The following FBXW11 variants were observed in gnomAD, a reference collection of about 807,000 sequenced individuals.
FBXW11 encodes the protein F-box/WD repeat-containing protein 11.
Under a neutral mutation model 77.6 loss-of-function variants are expected in FBXW11, and 19 were observed. That is an observed-to-expected ratio of 0.24 (90% CI 0.17 to 0.36). The LOEUF is 0.36. FBXW11 is among the 10% of genes least tolerant of loss of function. The pLI is 1.00. For missense variants in FBXW11, 334 were observed against 704.2 expected (o/e 0.47, Z 5.95); for synonymous variants, 235 against 249.4 (o/e 0.94, Z 0.54).
chr5:171,868,018 C>T (rs2113743308), intron 13 of FBXW11: 1 of 152,252 alleles, frequency 6.6e-6, no homozygotes, highest in East Asian at 1.9e-4. Flanking sequence ...ATTCTGTCAT[C>T]AATGGTTATA....
chr5:171,870,062 C>T (rs904950622), intron 11 of FBXW11, among the ~76,000 whole-genome samples: 6 of 152,168 alleles, frequency 3.9e-5, no homozygotes, highest in Non-Finnish European at 4.4e-5. Context: ...TTCAGGTTAT[C>T]TAAATTCAGT....
At chr5:171,966,739 G>A (rs1291617974) in intron 1 of FBXW11, among the ~76,000 whole-genome samples, 1 of 152,214 alleles carries the variant, frequency 6.6e-6, no homozygotes, top group Non-Finnish European at 1.5e-5. Context: ...AACTAGGAAA[G>A]TTGTTCAGGA....
chr5:171,928,175 T>C (rs937388329), intron 2 of FBXW11, among the ~76,000 whole-genome samples: 3 of 152,196 alleles, frequency 2.0e-5, no homozygotes, highest in Non-Finnish European at 2.9e-5. Context: ...AGAGTGCATA[T>C]ACATTAATTT....
Position 171,876,252 on chromosome 5 carries a change from A to C in FBXW11, c.1221+33T>G. 1 of 1,611,862 alleles carries C rather than the reference A, an allele frequency of 6.2e-7. No homozygotes were observed. The highest frequency in any genetic ancestry group is 1.3e-5 in the African/African-American group (1 of 75,014). Reference sequence around the variant, plus strand: ...TTGTCTCTGTTCTAAAAGGGACAGGAACAGGTAGGGTTATGACTGCAGACA... The same window carrying C: ...TTGTCTCTGTTCTAAAAGGGACAGGCACAGGTAGGGTTATGACTGCAGACA... On this transcript the variant is annotated intron_variant, in intron 9 of 13. Coordinates refer to ENST00000517395, the MANE Select transcript of FBXW11 (RefSeq NM_001378974.1). This position sits in a 1 kb window ranked among gnomAD's most constrained non-coding sequence, Gnocchi z 4.2.
At chr5:171,979,130 T>C (rs1476963640) in intron 1 of FBXW11, among the ~76,000 whole-genome samples, 1 of 152,086 alleles carries the variant, frequency 6.6e-6, no homozygotes, top group Non-Finnish European at 1.5e-5. Flanking sequence ...CCATTTTGTC[T>C]CTACAAAAAC....
At chr5:171,979,672 T>C (rs994592307) in intron 1 of FBXW11, among the ~76,000 whole-genome samples, 9 of 152,084 alleles carry the variant, frequency 5.9e-5, no homozygotes, top group African/African-American at 1.7e-4. Context: ...AAACAATTAT[T>C]TTGAGATAGT....
chr5:171,965,292 A>G (rs1284011736), intron 1 of FBXW11, among the ~76,000 whole-genome samples: 4 of 152,192 alleles, frequency 2.6e-5, no homozygotes, highest in Non-Finnish European at 5.9e-5. Context: ...GTGGGAGGCC[A>G]AGGCAGGAGA....
intron 2 of FBXW11, among the ~76,000 whole-genome samples, chr5:171,940,474 A>G (rs1762691032): frequency 6.6e-6 from 1 of 152,238 alleles, no homozygotes; most frequent in Non-Finnish European, 1.5e-5. Context: ...AGTGAAAGGA[A>G]ACAAGGCTCT....
At chr5:171,989,415 T>G (rs534901601) in intron 1 of FBXW11, among the ~76,000 whole-genome samples, 29 of 152,362 alleles carry the variant, frequency 1.9e-4, no homozygotes, top group Non-Finnish European at 3.2e-4. Context: ...GGATAACCCG[T>G]CATTAAGTGC....
intron 2 of FBXW11, among the ~76,000 whole-genome samples, chr5:171,957,089 T>C (rs1162932387): frequency 6.6e-6 from 1 of 152,214 alleles, no homozygotes; most frequent in Non-Finnish European, 1.5e-5. Flanking sequence ...ACTGACAAAT[T>C]ATTGGCAGCA....
At chr5:171,958,981 T>C (rs1482584925) in intron 1 of FBXW11, among the ~76,000 whole-genome samples, 1 of 151,702 alleles carries the variant, frequency 6.6e-6, no homozygotes, top group Non-Finnish European at 1.5e-5. Context: ...GTGGATAAAT[T>C]CTATTATCAC....
chr5:171,869,953 A>C lies in FBXW11; in HGVS notation c.1452-146T>G. The C allele has an allele frequency of 6.5e-6, 3 of 462,544 alleles. No homozygotes were observed. Among genetic ancestry groups the C allele is most frequent in the Non-Finnish European group, 1.2e-5 (3 of 252,978 alleles). The allele number at this position is 462,544 out of a possible 1,614,324, so 28.7% of individuals were successfully genotyped here. A position where few individuals can be genotyped will look rare whatever the true frequency, so the allele number is the denominator to read the frequency against. ...GCTTATGTTTTTACAAATCATCTGA[A>C]CCAATTACACTTGATTTTGGAAAAA... is the stretch of plus-strand genomic sequence containing the variant. On this transcript the variant is annotated intron_variant, in intron 11 of 13. Coordinates refer to ENST00000517395, the MANE Select transcript of FBXW11 (RefSeq NM_001378974.1). This position sits in a 1 kb window ranked among gnomAD's most constrained non-coding sequence, Gnocchi z 4.1.
chr5:171,947,496 C>T (rs1273459214), intron 2 of FBXW11, among the ~76,000 whole-genome samples: 1 of 151,276 alleles, frequency 6.6e-6, no homozygotes, highest in African/African-American at 2.4e-5. Flanking sequence ...CTCAGGAGTT[C>T]AAGACCCCAG....
intron 7 of FBXW11, among the ~76,000 whole-genome samples, chr5:171,891,249 A>C (rs1046138336): frequency 1.3e-5 from 2 of 152,130 alleles, no homozygotes; most frequent in Admixed American, 6.6e-5. Context: ...TAGAATGTGA[A>C]TGTGCTTAGA....
chr5:171,898,818 A>T (rs1759922116), intron 6 of FBXW11, among the ~76,000 whole-genome samples, 186 bp downstream of exon 6: 1 of 152,226 alleles, frequency 6.6e-6, no homozygotes, highest in Non-Finnish European at 1.5e-5. Context: ...TCTTTGCAAA[A>T]GACATTATTT....
At chr5:171,912,028 C>T (rs927892776) in intron 3 of FBXW11, among the ~76,000 whole-genome samples, 14 of 152,218 alleles carry the variant, frequency 9.2e-5, no homozygotes, top group African/African-American at 2.9e-4. Flanking sequence ...CTATTAATTC[C>T]GTTAGGAACT....
chr5:171,872,778 T>C (rs971009865), intron 10 of FBXW11, 94 bp downstream of exon 10: 1 of 875,086 alleles, frequency 1.1e-6, no homozygotes, highest in Non-Finnish European at 1.9e-6. Context: ...AACATCCCAT[T>C]TACCCTGAGT....
intron 8 of FBXW11, among the ~76,000 whole-genome samples, chr5:171,877,731 AC>A (rs1758194739): frequency 6.6e-6 from 1 of 152,118 alleles, no homozygotes; most frequent in Admixed American, 6.5e-5. Flanking sequence ...TCTGCTCTGG[AC>A]CACATAACCA....
chr5:171,951,284 C>T (rs1362234054), intron 2 of FBXW11, among the ~76,000 whole-genome samples: 1 of 152,000 alleles, frequency 6.6e-6, no homozygotes, highest in Non-Finnish European at 1.5e-5. Flanking sequence ...CCTGTAATCC[C>T]AACACTTTTG....
Sources: allele counts gnomAD v4.1 joint callset (sites outside exome capture counted in the v4.1 genomes callset), GRCh38; gene constraint gnomAD v4.1.1; non-coding constraint Gnocchi (gnomAD v3.1); transcripts MANE v1.5; gene names NCBI Gene and HGNC (gene_info 2026-07-23, HGNC 2026-07-21).